NFIA: variants seen among roughly 807,000 people sequenced by gnomAD.
NFIA encodes nuclear factor 1 A-type.
A neutral mutation model predicts 62.8 loss-of-function variants in NFIA; 8 were observed. That is an observed-to-expected ratio of 0.13 (90% CI 0.07 to 0.23). The LOEUF (loss-of-function observed/expected upper bound fraction) is 0.23. Among genes scored for constraint, NFIA ranks in the 10% least tolerant of loss-of-function variants. The pLI is 1.00. For synonymous variants in NFIA, 235 were observed against 238.1 expected (o/e 0.99, Z 0.12); for missense variants, 410 against 642.1 (o/e 0.64, Z 3.91).
intron 6 of NFIA, among the ~76,000 whole-genome samples, chr1:61,374,333 A>G (rs972546423): frequency 1.3e-5 from 2 of 151,662 alleles, no homozygotes; most frequent in African/African-American, 2.4e-5. Context: ...ACATGGGGGG[A>G]TGGGATGGCT....
intron 2 of NFIA, among the ~76,000 whole-genome samples, chr1:61,271,166 C>T (rs1657481306): frequency 6.6e-6 from 1 of 152,156 alleles, no homozygotes; most frequent in Admixed American, 6.5e-5. Flanking sequence ...ATGATCCTCC[C>T]CTCACTGTCA....
chr1:61,328,728 T>A (rs1485195268), intron 3 of NFIA, among the ~76,000 whole-genome samples: 2 of 141,812 alleles, frequency 1.4e-5, no homozygotes, highest in Non-Finnish European at 3.1e-5. Context: ...CTATAATTTT[T>A]TTTTTTTTTT....
At chr1:61,453,925 C>T (rs750525728) in intron 10 of NFIA, among the ~76,000 whole-genome samples, 1 of 152,188 alleles carries the variant, frequency 6.6e-6, no homozygotes, top group Non-Finnish European at 1.5e-5. Context: ...CAAAGAATAA[C>T]ATCTGAAAGT....
chr1:61,101,107 T>A (rs1225013562), intron 2 of NFIA, among the ~76,000 whole-genome samples: 1 of 152,014 alleles, frequency 6.6e-6, no homozygotes, highest in Non-Finnish European at 1.5e-5. Context: ...TATTTAATAG[T>A]TCACCTGGCC....
intron 2 of NFIA, among the ~76,000 whole-genome samples, chr1:61,101,213 T>C (rs879883496): frequency 6.6e-6 from 1 of 151,818 alleles, no homozygotes; most frequent in Non-Finnish European, 1.5e-5. Context: ...CTGACAAATA[T>C]GGAGAAACTC....
intron 2 of NFIA, among the ~76,000 whole-genome samples, chr1:61,219,597 T>C (rs332817): frequency 0.69 from 103,976 of 151,330 alleles, 37,456 homozygotes; most frequent in African/African-American, 0.91. Flanking sequence ...GCCTGTAATC[T>C]CAGCTATTTG....
At chr1:61,354,452 G>T (rs1014127387) in intron 5 of NFIA, among the ~76,000 whole-genome samples, 1 of 152,086 alleles carries the variant, frequency 6.6e-6, no homozygotes, top group African/African-American at 2.4e-5. Context: ...TTTCTCTGTG[G>T]CAGGCACCAT....
At chr1:61,098,466 C>A (rs914898618) in intron 2 of NFIA, among the ~76,000 whole-genome samples, 1 of 152,182 alleles carries the variant, frequency 6.6e-6, no homozygotes, top group Non-Finnish European at 1.5e-5. Flanking sequence ...ATTTAGTTGG[C>A]TTTCCTCCCC....
intron 2 of NFIA, chr1:61,132,626 A>G (rs1206174562): frequency 6.6e-6 from 1 of 152,222 alleles, no homozygotes; most frequent in Non-Finnish European, 1.5e-5. Context: ...CTGGCTAAAA[A>G]GACAATTAAG....
intron 1 of NFIA, among the ~76,000 whole-genome samples, chr1:61,087,527 TA>T: frequency 6.6e-6 from 1 of 152,260 alleles, no homozygotes; most frequent in South Asian, 2.1e-4. Flanking sequence ...AGTTTTTGAC[TA>T]AAAAAATTAT....
rs111862540 is a variant in NFIA at position 61,187,037 on chromosome 1, G to A, written c.560-90483G>A. Among the ~76,000 whole-genome samples the A allele has an allele frequency of 4.9e-4, 74 of 152,160 alleles. 1 individual carries two copies. The highest frequency in any genetic ancestry group is 9.7e-4 in the Non-Finnish European group (66 of 68,020). ...CCTGGAAGGATTCAGTAAAGAGCCA[G>A]TTTCACCCTGTTAGCCCTTGTTGCT... On this transcript the variant is annotated intron_variant, in intron 2 of 10. Transcript: ENST00000403491.
In NFIA at chr1:61,191,195, A is replaced by AT. The variant is rs960591752; in HGVS notation, c.560-86318dup. 3.3e-5 allele frequency among the ~76,000 whole-genome samples: 5 copies of AT among 152,026 alleles called. No homozygotes were observed. In the East Asian group the frequency reaches 7.7e-4, roughly 23 times the overall value. ...AGACCAAACCATTAAGAGATTGGCGATTTTTTTCCCCCTTGAGCATTATTG... is the reference window on the plus strand; with the variant it reads ...AGACCAAACCATTAAGAGATTGGCGATTTTTTTTCCCCCTTGAGCATTATTG... On this transcript the variant is annotated intron_variant, in intron 2 of 10. Coordinates refer to ENST00000403491, the MANE Select transcript of NFIA (RefSeq NM_001134673.4).
intron 2 of NFIA, among the ~76,000 whole-genome samples, chr1:61,261,323 A>G (rs1301910423): frequency 6.6e-6 from 1 of 152,218 alleles, no homozygotes; most frequent in Non-Finnish European, 1.5e-5. Flanking sequence ...TCCACATTCC[A>G]TAAAAATGGG....
At chr1:61,077,410 G>A (rs550266316), upstream of NFIA, 11 of 406,620 alleles carry the variant, frequency 2.7e-5, no homozygotes, top group Admixed American at 1.2e-4. Flanking sequence ...GGGAGAGAGC[G>A]CGCCTTGCAA....
intron 2 of NFIA, among the ~76,000 whole-genome samples, chr1:61,157,667 G>A (rs1024995393): frequency 6.6e-6 from 1 of 152,160 alleles, no homozygotes; most frequent in Admixed American, 6.5e-5. Context: ...GAGTGAGCTG[G>A]CTGTGGTTTT....
Position 61,100,301 on chromosome 1 carries a change from G to T in NFIA, c.559+11621G>T, listed in dbSNP as rs1353021331. Among the ~76,000 whole-genome samples, 5 of 152,150 alleles carry T rather than the reference G, an allele frequency of 3.3e-5. No homozygotes were observed. The East Asian group carries it at 9.7e-4, about 30-fold the overall frequency. On this transcript the variant is annotated intron_variant, in intron 2 of 10. Transcript: ENST00000403491. ...AGACCGTTATCATTTCCATCGGTGC[G>T]GATGCTCTTTGGGTGGTGGTGGCAT... is the stretch of plus-strand genomic sequence containing the variant.
At chr1:61,406,261 A>G (rs146923368) in intron 8 of NFIA, among the ~76,000 whole-genome samples, 5 of 152,298 alleles carry the variant, frequency 3.3e-5, no homozygotes, top group African/African-American at 9.6e-5. Context: ...GACAAATCCA[A>G]AGTGATAATT....
rs78141910 is a variant in NFIA at position 61,219,962 on chromosome 1, AAAATAAATAAAT to A, written c.560-57539_560-57528del. 4.6e-5 allele frequency among the ~76,000 whole-genome samples: 7 copies of A among 151,492 alleles called. No individual in the cohort carries two copies. In the South Asian group the frequency reaches 6.2e-4, roughly 14 times the overall value. On this transcript the variant is annotated intron_variant, in intron 2 of 10. Transcript: ENST00000403491. ...TGGAGACAGAACGAGACTCCGTCTC[AAAATAAATAAAT>A]AAATAAATAAATAAATAACGCATAA...
chr1:61,328,512 C>G (rs1171700319), intron 3 of NFIA, among the ~76,000 whole-genome samples: 1 of 152,010 alleles, frequency 6.6e-6, no homozygotes, highest in Non-Finnish European at 1.5e-5. Context: ...ACCTACGCTT[C>G]CCCGTTCAAG....
Sources: gnomAD v4.1 joint callset for allele counts (sites outside exome capture counted in the v4.1 genomes callset) on GRCh38, gnomAD v4.1.1 for gene constraint, MANE v1.5 for transcripts, NCBI Gene and HGNC (gene_info 2026-07-23, HGNC 2026-07-21) for gene names.